The following NDUFA10 variants were observed in gnomAD, a reference collection of about 807,000 sequenced individuals.
The protein encoded by NDUFA10 is NADH:ubiquinone oxidoreductase subunit A10.
In NDUFA10, 40 loss-of-function variants were observed where a neutral mutation model predicts 47.8. That is an observed-to-expected ratio of 0.84 (90% CI 0.65 to 1.09). The LOEUF (loss-of-function observed/expected upper bound fraction) is 1.09, where lower values mean the gene tolerates loss of function less well. Ranked by LOEUF, NDUFA10 falls within the 50% of genes least tolerant of loss-of-function variation. NDUFA10 has a pLI of 0.00. For missense variants in NDUFA10, 413 were observed against 451.1 expected, an observed-to-expected ratio of 0.92 and a Z score of 0.76; for synonymous variants, 183 against 172.2, an observed-to-expected ratio of 1.06 and a Z score of -0.49.
At position 240,016,511 on chromosome 2, in the gene NDUFA10, C is replaced by T. The variant is rs144619096; in HGVS notation, c.548-1651G>A. On this transcript the variant is annotated intron_variant, in intron 4 of 9. Transcript: ENST00000252711. This position sits in a 1 kb window ranked among gnomAD's most constrained non-coding sequence, Gnocchi z 4.4. ...GCACTCAAACGACTCTGGCTAACAT[C>T]ACCAGCCCCCGAAAGGTGAAACGTG... Among the ~76,000 whole-genome samples the T allele has an allele frequency of 3.3e-3, 509 of 152,294 alleles. 9 individuals are homozygous for T. The highest frequency in any genetic ancestry group is 0.011 in the African/African-American group (477 of 41,556).
At chr2:239,925,034 T>C (rs10211588) in intron 4 of NDUFA10, among the ~76,000 whole-genome samples, 76,236 of 151,994 alleles carry the variant, frequency 0.5, 19,936 homozygotes, top group African/African-American at 0.66. Context: ...AACTACAAAA[T>C]GTTAATGAGA....
At chr2:239,966,457 G>A (rs1285980252) in intron 9 of NDUFA10, among the ~76,000 whole-genome samples, 1 of 152,166 alleles carries the variant, frequency 6.6e-6, no homozygotes, top group Non-Finnish European at 1.5e-5. Flanking sequence ...CAGCCTGTTT[G>A]GGAATGTGGA....
chr2:239,984,070 T>TA (rs1165213968), intron 9 of NDUFA10, among the ~76,000 whole-genome samples: 1 of 151,896 alleles, frequency 6.6e-6, no homozygotes, highest in Non-Finnish European at 1.5e-5. Flanking sequence ...CCATCTCTAC[T>TA]AAAAATACAA....
At chr2:239,921,876 C>A (rs2106368576) in intron 4 of NDUFA10, among the ~76,000 whole-genome samples, 1 of 151,472 alleles carries the variant, frequency 6.6e-6, no homozygotes, top group Middle Eastern at 3.4e-3. Flanking sequence ...TGACCCTCTT[C>A]CCTCCCTCCT....
downstream of NDUFA10, among the ~76,000 whole-genome samples, chr2:239,957,048 T>C (rs1694672495): frequency 6.6e-6 from 1 of 152,158 alleles, no homozygotes; most frequent in Admixed American, 6.5e-5. Context: ...CAGTGGGCTC[T>C]GGGGGGTGCC....
At chr2:240,020,839 C>G (rs1232525118) in intron 3 of NDUFA10, among the ~76,000 whole-genome samples, 2 of 152,222 alleles carry the variant, frequency 1.3e-5, no homozygotes, top group African/African-American at 4.8e-5. Context: ...ATGGCACATG[C>G]ACAGTCTTCA....
chr2:240,020,404 G>A (rs974129895), intron 3 of NDUFA10, among the ~76,000 whole-genome samples: 9 of 152,206 alleles, frequency 5.9e-5, no homozygotes, highest in Admixed American at 2.0e-4. Context: ...GAGGACCGCC[G>A]TGGCATGGTA....
chr2:239,955,842 G>C (rs762974585), downstream of NDUFA10, among the ~76,000 whole-genome samples: 2 of 152,122 alleles, frequency 1.3e-5, no homozygotes, highest in African/African-American at 4.8e-5. Context: ...CTGTGGGCAC[G>C]GCTCTCAGCA....
intron 8 of NDUFA10, among the ~76,000 whole-genome samples, chr2:240,004,687 C>T (rs938646772): frequency 8.0e-5 from 12 of 149,876 alleles, no homozygotes; most frequent in African/African-American, 2.3e-4. Flanking sequence ...GGCTGCTGGG[C>T]GCACCTTCCC....
intron 4 of NDUFA10, among the ~76,000 whole-genome samples, chr2:239,938,133 GCA>G (rs1694298170): frequency 6.6e-6 from 1 of 152,144 alleles, no homozygotes; most frequent in Non-Finnish European, 1.5e-5. Flanking sequence ...CCACTCCCCA[GCA>G]GTCCCCACTT....
Position 239,960,471 on chromosome 2 carries a change from G to A in NDUFA10, c.*647C>T, listed in dbSNP as rs116254382. On this transcript the variant is annotated 3_prime_UTR_variant, in exon 10 of 10. Transcript: ENST00000252711. Reference sequence around the variant, plus strand: ...AGTTTGAGACGCTGAGGACGGCCACGTGAATCTTTCTCAACGTCTCTCTTA... The same window carrying A: ...AGTTTGAGACGCTGAGGACGGCCACATGAATCTTTCTCAACGTCTCTCTTA... 1,694 of 989,554 alleles carry A rather than the reference G, an allele frequency of 1.7e-3. 28 individuals are homozygous for A. In the African/African-American group the frequency reaches 0.027, roughly 16 times the overall value. The allele number at this position is 989,554 out of a possible 1,614,324, so 61.3% of individuals were successfully genotyped here.
chr2:239,919,177 T>C (rs1344411837), intron 4 of NDUFA10, among the ~76,000 whole-genome samples: 1 of 152,204 alleles, frequency 6.6e-6, no homozygotes, highest in East Asian at 1.9e-4. Context: ...CCAGCCACCA[T>C]GTGGACCTTC....
At chr2:239,970,199 T>C (rs1695253694) in intron 9 of NDUFA10, among the ~76,000 whole-genome samples, 1 of 152,198 alleles carries the variant, frequency 6.6e-6, no homozygotes, top group Non-Finnish European at 1.5e-5. Context: ...TAGGAAGAAC[T>C]GCAGTCTTCT....
At chr2:239,942,784 C>G (rs1055075757) in intron 4 of NDUFA10, among the ~76,000 whole-genome samples, 1 of 152,122 alleles carries the variant, frequency 6.6e-6, no homozygotes, top group African/African-American at 2.4e-5. Flanking sequence ...CAAGCCCGAG[C>G]AGCTCTGACT....
At chr2:240,001,066 G>GGGGCA (rs1263623048) in intron 8 of NDUFA10, among the ~76,000 whole-genome samples, 1 of 152,212 alleles carries the variant, frequency 6.6e-6, no homozygotes, top group East Asian at 1.9e-4. Flanking sequence ...CTCCCACCAA[G>GGGGCA]GGGCAGGGCA....
intron 4 of NDUFA10, among the ~76,000 whole-genome samples, chr2:239,927,955 G>A (rs1694092882): frequency 6.6e-6 from 1 of 152,154 alleles, no homozygotes; most frequent in South Asian, 2.1e-4. Flanking sequence ...AGGACACAGG[G>A]GACTTCTGCA....
chr2:240,012,399 G>C (rs190323769), intron 5 of NDUFA10: 1 of 157,950 alleles, frequency 6.3e-6, no homozygotes, highest in Non-Finnish European at 1.4e-5. Context: ...ATGAGCTCAC[G>C]GGTGAGGACC....
intron 4 of NDUFA10, among the ~76,000 whole-genome samples, chr2:239,949,127 G>A (rs1028494620): frequency 1.3e-5 from 2 of 152,212 alleles, no homozygotes; most frequent in South Asian, 2.1e-4. Flanking sequence ...CCAGGATAGT[G>A]TCGGGATTTT....
chr2:239,919,019 T>C (rs544412089), intron 4 of NDUFA10, among the ~76,000 whole-genome samples: 26 of 152,328 alleles, frequency 1.7e-4, no homozygotes, highest in African/African-American at 5.8e-4. Flanking sequence ...GGCAGACTCC[T>C]GACAAGATCT....
Sources: allele counts gnomAD v4.1 joint callset (sites outside exome capture counted in the v4.1 genomes callset), GRCh38; gene constraint gnomAD v4.1.1; non-coding constraint Gnocchi (gnomAD v3.1); transcripts MANE v1.5; gene names NCBI Gene and HGNC (gene_info 2026-07-23, HGNC 2026-07-21).